The following VASH1 variants were observed in gnomAD, a reference collection of about 807,000 sequenced individuals.
The protein encoded by VASH1 is tubulinyl-Tyr carboxypeptidase 1.
VASH1 carries 16 observed loss-of-function variants against 35.0 expected under a neutral mutation model. The observed-to-expected ratio is 0.46, with a 90% CI of 0.31 to 0.70. The LOEUF (loss-of-function observed/expected upper bound fraction) is 0.70. Ranked by LOEUF, VASH1 falls within the 30% of genes least tolerant of loss-of-function variation. The probability of loss-of-function intolerance (pLI) is 0.05; values close to 1 mark genes in which losing one functional copy is unlikely to be tolerated. For synonymous variants in VASH1, 214 were observed against 200.9 expected, an observed-to-expected ratio of 1.07 and a Z score of -0.55; for missense variants, 505 against 510.7, an observed-to-expected ratio of 0.99 and a Z score of 0.11.
Position 76,776,079 on chromosome 14 carries a change from G to A in VASH1, c.718G>A (p.Val240Met), listed in dbSNP as rs1259358833. The A allele has an allele frequency of 3.1e-6, 5 of 1,609,350 alleles. No homozygotes were observed. The highest frequency in any genetic ancestry group is 1.3e-5 in the African/African-American group (1 of 75,038). Residue 240 changes from valine (V) to methionine (M), a missense_variant, in exon 5 of 7, where the codon GTG (valine) becomes ATG (methionine). Physicochemically the swap from Val to Met is conservative, Grantham distance 21 (BLOSUM62 1). Coordinates refer to ENST00000167106, the MANE Select transcript of VASH1 (RefSeq NM_014909.5). The part of the protein sequence containing the change: ...PPAFRTLSEL[V>M]LDFEAAYGRC... ...CGCCTTCCGCACGCTCAGCGAGCTC[G>A]TGCTGGACTTCGAGGCCGCCTACGG...
chr14:76,777,946 C>T lies in VASH1; in HGVS notation c.913-13C>T. The T allele has an allele frequency of 6.7e-7, 1 of 1,490,936 alleles. No homozygotes were observed. Among genetic ancestry groups the T allele is most frequent in the Non-Finnish European group, 8.9e-7 (1 of 1,121,196 alleles). 92.4% of individuals were successfully genotyped at this position (1,490,936 alleles called of 1,614,324 possible). On this transcript the variant is annotated splice_polypyrimidine_tract_variant and intron_variant, in intron 5 of 6. Transcript: ENST00000167106. ...TCCTGGAGTGATGCTGTTGCTTCCT[C>T]CTCTGCACCTAGATTGGCAAAGGGA...
chr14:76,781,057 T>A lies in VASH1; in HGVS notation c.*2039T>A, dbSNP rs545459390. 3 of 152,476 alleles carry A rather than the reference T, an allele frequency of 2.0e-5. No homozygotes were observed. Among genetic ancestry groups the A allele is most frequent in the African/African-American group, 7.2e-5 (3 of 41,554 alleles). The allele number at this position is 152,476 out of a possible 1,614,324, so 9.4% of individuals were successfully genotyped here. ...CTGCCAGGGAGACGGATGGTGCCTT[T>A]GAAGCAAAGAGGAAGGGAAGGCAGA... On this transcript the variant is annotated 3_prime_UTR_variant, in exon 7 of 7. Transcript: ENST00000167106.
intron 5 of VASH1, 33 bp downstream of exon 5, chr14:76,776,306 C>T (rs772666299): frequency 6.7e-7 from 1 of 1,500,362 alleles, no homozygotes; most frequent in Admixed American, 2.0e-5. Flanking sequence ...CGCCCCCTCC[C>T]TCGCCCCCTC....
rs939194890 is a variant in VASH1 at position 76,780,461 on chromosome 14, T to C, written c.*1443T>C. ...TTTTGTTTTACTGAGAGGCTGTAAG[T>C]CTGCCAGGGACAGCTGTCAGTAAGG... On this transcript the variant is annotated 3_prime_UTR_variant, in exon 7 of 7. Transcript: ENST00000167106. The C allele has an allele frequency of 6.6e-6, 1 of 152,322 alleles. No individual in the cohort carries two copies. Among genetic ancestry groups the C allele is most frequent in the Admixed American group, 6.5e-5 (1 of 15,286 alleles). 9.4% of individuals were successfully genotyped at this position (152,322 alleles called of 1,614,324 possible).
rs577226418 is a variant in VASH1, at chr14:76,777,435, C to G, written c.913-524C>G. ...TTCCCAGCCTATTCAGTGCTAAACA[C>G]TCACCTGTGTTACTTGCCCCTCTCC... On this transcript the variant is annotated intron_variant, in intron 5 of 6. Coordinates refer to ENST00000167106, the MANE Select transcript of VASH1 (RefSeq NM_014909.5). Among the ~76,000 whole-genome samples the G allele has an allele frequency of 9.8e-5, 15 of 152,346 alleles. No homozygotes were observed. The East Asian group carries it at 2.5e-3, about 25-fold the overall frequency.
At position 76,769,184 on chromosome 14, in the gene VASH1, G is replaced by A. The variant is rs567675700; in HGVS notation, c.310-779G>A. ...AGCAGCCTCCAGGCTCCCAGGCATC[G>A]GGAAACACTGCCTGTTCTCTCCTCT... is the stretch of plus-strand genomic sequence containing the variant. On this transcript the variant is annotated intron_variant, in intron 1 of 6. Transcript: ENST00000167106. 425 of 846,754 alleles carry A rather than the reference G, an allele frequency of 5.0e-4. 1 individual carries two copies. Among genetic ancestry groups the A allele is most frequent in the Non-Finnish European group, 5.9e-4 (413 of 703,392 alleles). The allele number at this position is 846,754 out of a possible 1,614,324, so 52.5% of individuals were successfully genotyped here. A position where few individuals can be genotyped will look rare whatever the true frequency, so the allele number is the denominator to read the frequency against.
intron 3 of VASH1, among the ~76,000 whole-genome samples, chr14:76,771,693 T>C (rs1244759944): frequency 6.6e-6 from 1 of 152,186 alleles, no homozygotes; most frequent in Non-Finnish European, 1.5e-5. Flanking sequence ...TTTGCCTTAC[T>C]CCGTGGACTC....
chr14:76,774,910 T>TA (rs1893892051), intron 4 of VASH1: 1 of 152,356 alleles, frequency 6.6e-6, no homozygotes, highest in East Asian at 1.9e-4. Context: ...CTGGGAGTCC[T>TA]CCTCTGCAAA....
At position 76,772,396 on chromosome 14, in the gene VASH1, C is replaced by A. The variant is rs73306164; in HGVS notation, c.456-741C>A. Among the ~76,000 whole-genome samples, 1,046 of 152,316 alleles carry A rather than the reference C, an allele frequency of 6.9e-3. 16 individuals are homozygous for A. The highest frequency in any genetic ancestry group is 0.024 in the African/African-American group (1,000 of 41,560). ...TCTCCGAGGCCCTGGATGGAGTCCACCCTCCCTATCCCCAAAGCTTTGCTT... is the reference window on the plus strand; with the variant it reads ...TCTCCGAGGCCCTGGATGGAGTCCAACCTCCCTATCCCCAAAGCTTTGCTT... On this transcript the variant is annotated intron_variant, in intron 3 of 6. Transcript: ENST00000167106.
rs911713466 is a variant in VASH1, at chr14:76,761,540, G to T, written c.-1282G>T. Among the ~76,000 whole-genome samples, 5 of 152,028 alleles carry T rather than the reference G, an allele frequency of 3.3e-5. No individual in the cohort carries two copies. The highest frequency in any genetic ancestry group is 4.8e-5 in the African/African-American group (2 of 41,432). ...GTCGGCGGCAGCGGGGCCCAGGGGCGGCGGGGCTGCAGCAGCGGCGGCCCC... is the reference window on the plus strand; with the variant it reads ...GTCGGCGGCAGCGGGGCCCAGGGGCTGCGGGGCTGCAGCAGCGGCGGCCCC... On this transcript the variant is annotated 5_prime_UTR_variant, in exon 1 of 7. Transcript: ENST00000167106.
Position 76,767,619 on chromosome 14 carries a change from G to A in VASH1, c.310-2344G>A, listed in dbSNP as rs116201981. On this transcript the variant is annotated intron_variant, in intron 1 of 6. Coordinates refer to ENST00000167106, the MANE Select transcript of VASH1 (RefSeq NM_014909.5). ...ACTCAACAGTGAGGAAATATTTCCCGACTCCTGTTTCGGAGGTGGGGGTGA... is the reference window on the plus strand; with the variant it reads ...ACTCAACAGTGAGGAAATATTTCCCAACTCCTGTTTCGGAGGTGGGGGTGA... 5.3e-3 allele frequency among the ~76,000 whole-genome samples: 805 copies of A among 152,278 alleles called. 9 individuals carry two copies. The highest frequency in any genetic ancestry group is 0.018 in the African/African-American group (747 of 41,552).
At chr14:76,768,876 G>A (rs1321483068) in intron 1 of VASH1, among the ~76,000 whole-genome samples, 2 of 152,190 alleles carry the variant, frequency 1.3e-5, no homozygotes, top group East Asian at 3.9e-4. Flanking sequence ...TCTATGTGGG[G>A]AGCCTTACAG....
intron 5 of VASH1, among the ~76,000 whole-genome samples, chr14:76,776,986 G>A (rs745914734): frequency 5.3e-5 from 8 of 152,166 alleles, no homozygotes; most frequent in South Asian, 2.1e-4. Flanking sequence ...GGAGGCCAGC[G>A]GGCGGTAGGT....
chr14:76,779,187 C>A lies in VASH1; in HGVS notation c.*169C>A. 1 of 755,928 alleles carries A rather than the reference C, an allele frequency of 1.3e-6. No individual in the cohort carries two copies. Among genetic ancestry groups the A allele is most frequent in the Non-Finnish European group, 2.3e-6 (1 of 441,310 alleles). 46.8% of individuals were successfully genotyped at this position (755,928 alleles called of 1,614,324 possible). The stretch of plus-strand genomic sequence containing the variant: ...CAAGCTGCTCTCGCTCCCACTGAGC[C>A]AAGCCCCCTAACTTTGGGCCTAGAG... On this transcript the variant is annotated 3_prime_UTR_variant, in exon 7 of 7. Coordinates refer to ENST00000167106, the MANE Select transcript of VASH1 (RefSeq NM_014909.5).
rs1275535531 is a variant in VASH1, at chr14:76,780,290, G to C, written c.*1272G>C. 2 of 152,704 alleles carry C rather than the reference G, an allele frequency of 1.3e-5. No individual in the cohort carries two copies. The highest frequency in any genetic ancestry group is 4.8e-5 in the African/African-American group (2 of 41,462). The allele number at this position is 152,704 out of a possible 1,614,324, so 9.5% of individuals were successfully genotyped here. On this transcript the variant is annotated 3_prime_UTR_variant, in exon 7 of 7. Transcript: ENST00000167106. ...AACTGGGGGATGCAAGTGAGAAAGGGATGTGGGGGAGAGTTCAGGATCAGG... is the reference window on the plus strand; with the variant it reads ...AACTGGGGGATGCAAGTGAGAAAGGCATGTGGGGGAGAGTTCAGGATCAGG...
chr14:76,764,007 T>TAA (rs35932679), intron 1 of VASH1, among the ~76,000 whole-genome samples: 79 of 143,744 alleles, frequency 5.5e-4, no homozygotes, highest in East Asian at 1.4e-3. Context: ...TGCCAGATAT[T>TAA]AAAAAAAAAA....
At position 76,769,940 on chromosome 14, in the gene VASH1, C is replaced by T. The variant is rs375322804; in HGVS notation, c.310-23C>T. On this transcript the variant is annotated intron_variant, in intron 1 of 6. Transcript: ENST00000167106. ...TCCAAGGTGAGCCTCTTCTTGTGAC[C>T]GGAGCTCTTTCTCTGTCCCCAGATC... The T allele has an allele frequency of 2.7e-5, 43 of 1,611,158 alleles. No individual in the cohort carries two copies. In the African/African-American group the frequency reaches 3.7e-4, roughly 14 times the overall value.
At position 76,779,142 on chromosome 14, in the gene VASH1, T is replaced by G. The variant is rs979953878; in HGVS notation, c.*124T>G. ...GCAGGGCAAGAGGCTGCAGGAAGAG[T>G]GTGTTCCAGCTCAGCCCCCCAAGCT... On this transcript the variant is annotated 3_prime_UTR_variant, in exon 7 of 7. Transcript: ENST00000167106. 10 of 1,112,744 alleles carry G rather than the reference T, an allele frequency of 9.0e-6. No individual in the cohort carries two copies. Among genetic ancestry groups the G allele is most frequent in the Non-Finnish European group, 1.1e-5 (8 of 744,882 alleles). The allele number at this position is 1,112,744 out of a possible 1,614,324, so 68.9% of individuals were successfully genotyped here.
At chr14:76,766,786 G>T (rs906555906) in intron 1 of VASH1, among the ~76,000 whole-genome samples, 3 of 152,172 alleles carry the variant, frequency 2.0e-5, no homozygotes, top group Non-Finnish European at 2.9e-5. Flanking sequence ...ATTAGCATGT[G>T]CGAGGCACAC....
Sources: allele counts gnomAD v4.1 joint callset (sites outside exome capture counted in the v4.1 genomes callset), GRCh38; gene constraint gnomAD v4.1.1; transcripts MANE v1.5; gene names NCBI Gene and HGNC (gene_info 2026-07-23, HGNC 2026-07-21).